The following LRRC53 variants were observed in gnomAD, a reference collection of about 807,000 sequenced individuals.
The protein encoded by LRRC53 is leucine rich repeat containing 53.
A neutral mutation model predicts 13.6 loss-of-function variants in LRRC53; 25 were observed. The observed-to-expected ratio is 1.83, with a 90% CI of 1.34 to 2.56. LRRC53 has a LOEUF of 2.56. LRRC53 is among the 30% of genes most tolerant of loss of function. The pLI is 0.00. For synonymous variants in LRRC53, 204 were observed against 109.8 expected, an observed-to-expected ratio of 1.86 and a Z score of -5.37; for missense variants, 527 against 275.8, an observed-to-expected ratio of 1.91 and a Z score of -6.45.
intron 1 of LRRC53, among the ~76,000 whole-genome samples, chr1:74,486,088 T>A (rs190311434): frequency 6.6e-6 from 1 of 152,042 alleles, no homozygotes; most frequent in African/African-American, 2.4e-5. Flanking sequence ...CAATAACTAA[T>A]ACACTCCAGT....
chr1:74,510,836 T>G (rs1358234344), intron 1 of LRRC53, among the ~76,000 whole-genome samples: 1 of 152,236 alleles, frequency 6.6e-6, no homozygotes, highest in Non-Finnish European at 1.5e-5. Context: ...AGGCCCAGTA[T>G]TTTGATAGCT....
In LRRC53 at chr1:74,470,900, T is replaced by C. The variant is rs74512617; in HGVS notation, c.2722A>G (p.Met908Val). Residue 908 changes from methionine (M) to valine (V), a missense_variant, in exon 5 of 5, where the codon ATG becomes GTG. By Grantham distance (21) the Met-to-Val change is conservative (BLOSUM62 1). Transcript: ENST00000294635. ...CTGGTCTTTGATACATTCTGTCCCA[T>C]GTGCTCAGTGGACTCCGTTGTCCCT... ...DQGTTESTEH[M>V]GQNVSKTSEL... 528 of 400,750 alleles carry C rather than the reference T, an allele frequency of 1.3e-3. 4 individuals are homozygous for C. The highest frequency in any genetic ancestry group is 9.8e-3 in the African/African-American group (480 of 48,826). The allele number at this position is 400,750 out of a possible 1,614,324, so 24.8% of individuals were successfully genotyped here.
intron 1 of LRRC53, among the ~76,000 whole-genome samples, chr1:74,510,304 AG>A (rs1173739443): frequency 6.6e-6 from 1 of 152,084 alleles, no homozygotes; most frequent in East Asian, 1.9e-4. Flanking sequence ...CAGGAGATCG[AG>A]ACCATCCTGG....
At chr1:74,494,577 T>G (rs1669237091) in intron 1 of LRRC53, among the ~76,000 whole-genome samples, 1 of 152,194 alleles carries the variant, frequency 6.6e-6, no homozygotes, top group Non-Finnish European at 1.5e-5. Context: ...TCTCTACTTG[T>G]GTCTTTTAAA....
At chr1:74,476,400 G>GT (rs1167873063) in intron 3 of LRRC53, among the ~76,000 whole-genome samples, 4 of 151,990 alleles carry the variant, frequency 2.6e-5, no homozygotes, top group African/African-American at 4.8e-5. Context: ...GATTTCCCTT[G>GT]TTTTTTCACC....
chr1:74,500,940 G>T (rs1669593668), intron 1 of LRRC53, among the ~76,000 whole-genome samples: 1 of 151,928 alleles, frequency 6.6e-6, no homozygotes, highest in Admixed American at 6.6e-5. Context: ...GTTGTGTATA[G>T]ATATAAATTT....
chr1:74,488,743 T>C (rs746107299), intron 1 of LRRC53, among the ~76,000 whole-genome samples: 8 of 152,192 alleles, frequency 5.3e-5, no homozygotes, highest in Non-Finnish European at 1.0e-4. Context: ...TCTATCATCA[T>C]CTTAGTTTTG....
In LRRC53 at chr1:74,471,785, A is replaced by C. The variant is rs111547302; in HGVS notation, c.1837T>G (p.Phe613Val). The C allele has an allele frequency of 4.3e-5, 18 of 419,606 alleles. No homozygotes were observed. The highest frequency in any genetic ancestry group is 2.7e-4 in the African/African-American group (13 of 48,884). The allele number at this position is 419,606 out of a possible 1,614,324, so 26.0% of individuals were successfully genotyped here. A position where few individuals can be genotyped will look rare whatever the true frequency, so the allele number is the denominator to read the frequency against. Residue 613 changes from phenylalanine to valine, a missense_variant, in exon 5 of 5, where the codon TTT (phenylalanine) becomes GTT (valine). Phe to Val is a conservative substitution (Grantham distance 50). Coordinates refer to ENST00000294635, the MANE Select transcript of LRRC53 (RefSeq NM_001382280.1). The part of the protein sequence containing the change: ...QIQINSAIEK[F>V]LMSEDNIDLS... ...TCTATGTTGTCCTCACTCATAAGAA[A>C]TTTTTCTATTGCACTGTTAATTTGG...
the LRRC53 span, among the ~76,000 whole-genome samples, chr1:74,533,141 G>C: frequency 6.6e-6 from 1 of 152,004 alleles, no homozygotes; most frequent in Non-Finnish European, 1.5e-5. Flanking sequence ...CTACAAAATG[G>C]GAGAAAATTT....
intron 1 of LRRC53, among the ~76,000 whole-genome samples, chr1:74,491,419 C>T (rs979357872): frequency 1.3e-5 from 2 of 152,158 alleles, no homozygotes; most frequent in African/African-American, 4.8e-5. Flanking sequence ...GGGGTTTCAC[C>T]ATGTTGACCA....
At chr1:74,477,477 A>G (rs1668262700) in intron 3 of LRRC53, among the ~76,000 whole-genome samples, 1 of 152,198 alleles carries the variant, frequency 6.6e-6, no homozygotes, top group Non-Finnish European at 1.5e-5. Context: ...CAGGAACAAA[A>G]AAATCCAAAA....
upstream of LRRC53, among the ~76,000 whole-genome samples, chr1:74,515,486 A>G (rs1470247357): frequency 6.6e-6 from 1 of 152,186 alleles, no homozygotes; most frequent in Non-Finnish European, 1.5e-5. Context: ...GATACTAGGA[A>G]AGGGTGTGCT....
the LRRC53 span, among the ~76,000 whole-genome samples, chr1:74,526,003 G>A: frequency 6.6e-6 from 1 of 152,228 alleles, no homozygotes; most frequent in Non-Finnish European, 1.5e-5. Context: ...TTGGTGTTGT[G>A]TGATGAGGCA....
At chr1:74,533,891 G>C in the LRRC53 span, among the ~76,000 whole-genome samples, 6 of 152,174 alleles carry the variant, frequency 3.9e-5, no homozygotes, top group Non-Finnish European at 5.9e-5. Flanking sequence ...ATTAAATGGA[G>C]TGTGTTTTAG....
chr1:74,485,572 C>T (rs1355307198), intron 1 of LRRC53, among the ~76,000 whole-genome samples: 2 of 152,112 alleles, frequency 1.3e-5, no homozygotes, highest in South Asian at 2.1e-4. Context: ...TCAGTGTGGG[C>T]AGAACCTGTG....
the LRRC53 span, among the ~76,000 whole-genome samples, chr1:74,534,527 G>T: frequency 1.4e-4 from 22 of 152,236 alleles, no homozygotes; most frequent in Middle Eastern, 3.4e-3. Flanking sequence ...GGCTCTAAAT[G>T]GGGCCATTTG....
chr1:74,489,356 A>G, intron 1 of LRRC53: 1 of 1,110,540 alleles, frequency 9.0e-7, no homozygotes, highest in Non-Finnish European at 1.3e-6. Context: ...GTGAGGACCC[A>G]TAACTCCATC....
chr1:74,516,019 C>T (rs1221583718), upstream of LRRC53, among the ~76,000 whole-genome samples: 1 of 152,110 alleles, frequency 6.6e-6, no homozygotes. Context: ...TCTTTAGGAG[C>T]CTCACTAGAG....
chr1:74,500,812 T>G (rs1669586955), intron 1 of LRRC53, among the ~76,000 whole-genome samples: 1 of 151,964 alleles, frequency 6.6e-6, no homozygotes, highest in Admixed American at 6.6e-5. Flanking sequence ...TTTTACTTTC[T>G]TTGTTGCTGT....
Sources: gnomAD v4.1 joint callset for allele counts (sites outside exome capture counted in the v4.1 genomes callset) on GRCh38, gnomAD v4.1.1 for gene constraint, MANE v1.5 for transcripts, NCBI Gene and HGNC (gene_info 2026-07-23, HGNC 2026-07-21) for gene names.